ZNF439: variants seen among roughly 807,000 people sequenced by gnomAD.
ZNF439 encodes the protein zinc finger protein 439.
In ZNF439, 40 loss-of-function variants were observed where a neutral mutation model predicts 47.3. That is an observed-to-expected ratio of 0.85 (90% CI 0.66 to 1.10). The LOEUF is 1.10. Ranked by LOEUF, ZNF439 falls within the 50% of genes least tolerant of loss-of-function variation. The pLI is 0.00. For missense variants in ZNF439, 556 were observed against 601.1 expected, an observed-to-expected ratio of 0.93 and a Z score of 0.78; for synonymous variants, 171 against 198.8, an observed-to-expected ratio of 0.86 and a Z score of 1.18.
Position 11,868,834 on chromosome 19 carries a change from GA to G in ZNF439, c.*269del. ...AAACCCTATGAATGTAAGAAATGTG[GA>G]AAAGCGTTCCATAATTTCTCTTCTT... On this transcript the variant is annotated 3_prime_UTR_variant, in exon 4 of 4. Coordinates refer to ENST00000682736, the MANE Select transcript of ZNF439 (RefSeq NM_001348719.2). 3 of 523,330 alleles carry G rather than the reference GA, an allele frequency of 5.7e-6. No homozygotes were observed. The highest frequency in any genetic ancestry group is 7.1e-6 in the Non-Finnish European group (2 of 283,092). 32.4% of individuals were successfully genotyped at this position (523,330 alleles called of 1,614,324 possible).
Position 11,867,831 on chromosome 19 carries a change from T to C in ZNF439, c.777T>C (p.Ser259=). 1 of 1,613,586 alleles carries C rather than the reference T, an allele frequency of 6.2e-7. No homozygotes were observed. ...AATGTGGTAAATCTTTTAGTTATTC[T>C]GCTACCCATCGAATACATGAAAGAA... is the stretch of plus-strand genomic sequence containing the variant. ...CKQCGKSFSY[S]ATHRIHERTH... The change falls in exon 4 of 4, where the codon TCT becomes TCC. Residue 259 remains serine, a synonymous_variant. Coordinates refer to ENST00000682736, the MANE Select transcript of ZNF439 (RefSeq NM_001348719.2).
At chr19:11,861,817 T>A (rs1267346070) in intron 1 of ZNF439, among the ~76,000 whole-genome samples, 1 of 152,160 alleles carries the variant, frequency 6.6e-6, no homozygotes, top group Non-Finnish European at 1.5e-5. Flanking sequence ...ATGTGAAATG[T>A]TCAGGGAATC....
chr19:11,852,201 G>A (rs185340066), intron 1 of ZNF439, among the ~76,000 whole-genome samples: 1 of 152,206 alleles, frequency 6.6e-6, no homozygotes, highest in East Asian at 1.9e-4. Flanking sequence ...TGAGGCAGGT[G>A]GATGGCTTGA....
chr19:11,866,726 T>A, intron 3 of ZNF439, 129 bp downstream of exon 3: 1 of 961,282 alleles, frequency 1.0e-6, no homozygotes, highest in Non-Finnish European at 1.5e-6. Flanking sequence ...ATATTTTATC[T>A]AAAAATATAT....
chr19:11,866,093 G>A, intron 1 of ZNF439, 112 bp from the exon 2 acceptor site: 2 of 1,551,240 alleles, frequency 1.3e-6, no homozygotes, highest in Non-Finnish European at 1.7e-6. Flanking sequence ...GACCAAAGCA[G>A]GGAATAAATG....
intron 1 of ZNF439, among the ~76,000 whole-genome samples, chr19:11,860,689 AG>A (rs1348836313): frequency 6.6e-6 from 1 of 152,218 alleles, no homozygotes; most frequent in Non-Finnish European, 1.5e-5. Context: ...CTGAGCTTCT[AG>A]TGCCCTTCGT....
intron 1 of ZNF439, among the ~76,000 whole-genome samples, chr19:11,865,511 A>G (rs1250400240): frequency 6.7e-6 from 1 of 150,030 alleles, no homozygotes; most frequent in Non-Finnish European, 1.5e-5. Context: ...TCTTGGCTAG[A>G]TATCTGCCTT....
At chr19:11,854,907 G>T (rs370528931) in intron 1 of ZNF439, among the ~76,000 whole-genome samples, 1 of 152,176 alleles carries the variant, frequency 6.6e-6, no homozygotes, top group Non-Finnish European at 1.5e-5. Context: ...AACACAAACC[G>T]TAAACTGAGT....
intron 1 of ZNF439, 90 bp from the exon 2 acceptor site, chr19:11,866,115 C>T (rs370041368): frequency 2.2e-5 from 35 of 1,583,550 alleles, no homozygotes; most frequent in African/African-American, 4.1e-5. Flanking sequence ...TTGGAGTCCA[C>T]GGCATCCTGA....
At chr19:11,862,145 G>C (rs1976556728) in intron 1 of ZNF439, among the ~76,000 whole-genome samples, 1 of 152,084 alleles carries the variant, frequency 6.6e-6, no homozygotes, top group Non-Finnish European at 1.5e-5. Context: ...CCCAAGCTCA[G>C]GTGATCCTCC....
chr19:11,868,640 G>C lies in ZNF439; in HGVS notation c.*71G>C. ...AACACATGAAAAAATTCACACTGGA[G>C]AGAAACCCTATAAATGCAAGCAATG... is the stretch of plus-strand genomic sequence containing the variant. On this transcript the variant is annotated 3_prime_UTR_variant, in exon 4 of 4. Transcript: ENST00000682736. The C allele has an allele frequency of 2.0e-6, 3 of 1,494,470 alleles. No homozygotes were observed. The highest frequency in any genetic ancestry group is 2.7e-6 in the Non-Finnish European group (3 of 1,092,138). 92.6% of individuals were successfully genotyped at this position (1,494,470 alleles called of 1,614,324 possible).
At chr19:11,863,111 A>G (rs1428923013) in intron 1 of ZNF439, among the ~76,000 whole-genome samples, 2 of 148,582 alleles carry the variant, frequency 1.3e-5, no homozygotes, top group African/African-American at 4.9e-5. Context: ...TGTTTGCCAT[A>G]ATTATGTTCT....
At chr19:11,854,756 CAA>C (rs1007150313) in intron 1 of ZNF439, among the ~76,000 whole-genome samples, 1 of 131,674 alleles carries the variant, frequency 7.6e-6, no homozygotes. Context: ...GGCTCTGTCT[CAA>C]AAAAAAAAAA....
At chr19:11,865,149 T>A (rs1276721551) in intron 1 of ZNF439, among the ~76,000 whole-genome samples, 1 of 152,216 alleles carries the variant, frequency 6.6e-6, no homozygotes, top group African/African-American at 2.4e-5. Flanking sequence ...TGTTTATCCA[T>A]TCAGCCATCA....
intron 1 of ZNF439, among the ~76,000 whole-genome samples, chr19:11,861,548 C>T (rs947380524): frequency 6.6e-6 from 1 of 152,138 alleles, no homozygotes. Context: ...CTCAGCTTCT[C>T]CCTCCCAACT....
intron 1 of ZNF439, among the ~76,000 whole-genome samples, chr19:11,864,333 T>A (rs1300469660): frequency 6.6e-6 from 1 of 152,190 alleles, no homozygotes; most frequent in African/African-American, 2.4e-5. Context: ...AGTCTCACTC[T>A]GTCGCCCAGG....
At chr19:11,866,734 T>C in intron 3 of ZNF439, 137 bp downstream of exon 3, 1 of 948,622 alleles carries the variant, frequency 1.1e-6, no homozygotes. Flanking sequence ...TCTAAAAATA[T>C]ATATTTAAAT....
At chr19:11,860,738 G>C (rs917986893) in intron 1 of ZNF439, among the ~76,000 whole-genome samples, 2 of 151,990 alleles carry the variant, frequency 1.3e-5, no homozygotes, top group African/African-American at 4.8e-5. Flanking sequence ...GGTGGTTGTA[G>C]GTCAGCTGCT....
intron 1 of ZNF439, chr19:11,849,445 G>C: frequency 8.0e-6 from 3 of 374,134 alleles, no homozygotes; most frequent in Non-Finnish European, 1.1e-5. Flanking sequence ...AGCCGAGTAG[G>C]AGAGACCTTG....
Sources: allele counts gnomAD v4.1 joint callset (sites outside exome capture counted in the v4.1 genomes callset), GRCh38; gene constraint gnomAD v4.1.1; transcripts MANE v1.5; gene names NCBI Gene and HGNC (gene_info 2026-07-23, HGNC 2026-07-21).